Variants in SPOCK1 observed in about 807,000 individuals in gnomAD.
SPOCK1 encodes the protein testican-1.
Under a neutral mutation model 55.3 loss-of-function variants are expected in SPOCK1, and 23 were observed. The ratio of observed to expected loss-of-function variants is 0.42; its 90% CI spans 0.30 to 0.59. The LOEUF is 0.59. Among genes scored for constraint, SPOCK1 ranks in the 20% least tolerant of loss-of-function variants. SPOCK1 has a pLI of 0.22. For synonymous variants in SPOCK1, 226 were observed against 221.0 expected (o/e 1.02, Z -0.20); for missense variants, 499 against 552.5 (o/e 0.90, Z 0.97).
intron 6 of SPOCK1, among the ~76,000 whole-genome samples, chr5:137,027,887 C>A (rs1375431509): frequency 1.3e-5 from 2 of 152,210 alleles, no homozygotes; most frequent in African/African-American, 4.8e-5. Context: ...GGGCAAGGAA[C>A]TGATGAGAAC....
chr5:137,180,253 T>C (rs1754944530), intron 3 of SPOCK1, among the ~76,000 whole-genome samples: 1 of 152,108 alleles, frequency 6.6e-6, no homozygotes, highest in African/African-American at 2.4e-5. Flanking sequence ...GTAACATGTT[T>C]TGTACAGCAA....
intron 2 of SPOCK1, among the ~76,000 whole-genome samples, chr5:137,377,447 C>G (rs749794129): frequency 1.3e-5 from 2 of 152,282 alleles, no homozygotes; most frequent in Non-Finnish European, 2.9e-5. Context: ...AGGGAAGAAG[C>G]CTTGAGGAAC....
intron 2 of SPOCK1, among the ~76,000 whole-genome samples, chr5:137,418,637 C>A (rs1752406819): frequency 6.6e-6 from 1 of 152,176 alleles, no homozygotes; most frequent in Non-Finnish European, 1.5e-5. Context: ...CCTTCACCCA[C>A]TTTTTGATGG....
At chr5:137,169,054 G>A (rs1247390614) in intron 3 of SPOCK1, among the ~76,000 whole-genome samples, 1 of 152,128 alleles carries the variant, frequency 6.6e-6, no homozygotes, top group African/African-American at 2.4e-5. Flanking sequence ...CAACAACAAG[G>A]ATGGTCATTA....
chr5:137,044,786 C>T (rs1175566145), intron 6 of SPOCK1, among the ~76,000 whole-genome samples: 2 of 129,966 alleles, frequency 1.5e-5, no homozygotes, highest in South Asian at 3.0e-4. Context: ...AATGCTATCC[C>T]TCCCCCCTCC....
intron 3 of SPOCK1, among the ~76,000 whole-genome samples, chr5:137,191,886 C>G (rs550535627): frequency 6.6e-6 from 1 of 152,042 alleles, no homozygotes; most frequent in Non-Finnish European, 1.5e-5. Context: ...TCTGTCCTTG[C>G]GGAAAAGATA....
At chr5:137,356,468 G>A (rs1750802651) in intron 2 of SPOCK1, among the ~76,000 whole-genome samples, 1 of 151,766 alleles carries the variant, frequency 6.6e-6, no homozygotes. Flanking sequence ...TTATTTGCCA[G>A]GAACCCAAGC....
At chr5:137,259,811 C>T (rs1187302750) in intron 3 of SPOCK1, among the ~76,000 whole-genome samples, 1 of 152,078 alleles carries the variant, frequency 6.6e-6, no homozygotes, top group Admixed American at 6.5e-5. Context: ...TCCTCTACAG[C>T]TCACAGTGTC....
chr5:137,083,437 TTGTAAAATGGGGGAAACCA>T, intron 5 of SPOCK1, among the ~76,000 whole-genome samples: 1 of 152,122 alleles, frequency 6.6e-6, no homozygotes, highest in Admixed American at 6.5e-5. Flanking sequence ...GCTTTCTGAT[TTGTAAAATGGGGGAAACCA>T]TGATGCCTCC....
intron 3 of SPOCK1, among the ~76,000 whole-genome samples, chr5:137,218,845 G>A (rs1755768732): frequency 1.3e-5 from 2 of 152,212 alleles, no homozygotes; most frequent in South Asian, 4.2e-4. Context: ...TACCACCAAA[G>A]GTAACTAGCT....
chr5:137,017,901 C>T (rs552997778), intron 6 of SPOCK1, among the ~76,000 whole-genome samples: 2 of 152,192 alleles, frequency 1.3e-5, no homozygotes, highest in Non-Finnish European at 2.9e-5. Flanking sequence ...AGCCTATGGG[C>T]AACCAGCCAC....
intron 3 of SPOCK1, among the ~76,000 whole-genome samples, chr5:137,215,917 A>G (rs1033438249): frequency 2.6e-5 from 4 of 152,250 alleles, no homozygotes; most frequent in African/African-American, 9.6e-5. Flanking sequence ...ACTAGTGTTT[A>G]AAGAGATCAG....
At chr5:137,290,238 A>G (rs1361573574) in intron 2 of SPOCK1, among the ~76,000 whole-genome samples, 1 of 152,244 alleles carries the variant, frequency 6.6e-6, no homozygotes, top group Non-Finnish European at 1.5e-5. Flanking sequence ...ACATTGTGTT[A>G]TGTTCACACA....
rs149064732 is a variant in SPOCK1 at position 137,400,946 on chromosome 5, C to A, written c.186+97427G>T. On this transcript the variant is annotated intron_variant, in intron 2 of 10. Transcript: ENST00000394945. ...ACTTTCAGTTTTACCCAGCAGAGCA[C>A]CCGCTGGAAACCCCTCTCCCGCCCA... Among the ~76,000 whole-genome samples the A allele has an allele frequency of 9.7e-4, 147 of 152,318 alleles. 3 individuals carry two copies. The Middle Eastern group carries it at 0.01, about 11-fold the overall frequency.
intron 2 of SPOCK1, among the ~76,000 whole-genome samples, chr5:137,289,386 G>C (rs1757325681): frequency 6.6e-6 from 1 of 152,000 alleles, no homozygotes; most frequent in Admixed American, 6.6e-5. Flanking sequence ...CTGGTTCCAT[G>C]GTCTAAAATA....
chr5:137,362,308 A>T lies in SPOCK1; in HGVS notation c.187-95253T>A, dbSNP rs140289472. 4.6e-5 allele frequency among the ~76,000 whole-genome samples: 7 copies of T among 151,600 alleles called. No individual in the cohort carries two copies. The East Asian group carries it at 1.4e-3, about 29-fold the overall frequency. ...CACTGCAGTTTACCATTTATTAAGG[A>T]CTTAACACAGACGTCAGCAACCTTT... On this transcript the variant is annotated intron_variant, in intron 2 of 10. Coordinates refer to ENST00000394945, the MANE Select transcript of SPOCK1 (RefSeq NM_004598.4).
At chr5:137,325,937 C>T (rs1267667370) in intron 2 of SPOCK1, among the ~76,000 whole-genome samples, 1 of 152,184 alleles carries the variant, frequency 6.6e-6, no homozygotes, top group African/African-American at 2.4e-5. Flanking sequence ...GCCCTGAGGC[C>T]TTTTGGTTCT....
Position 137,392,901 on chromosome 5 carries a change from C to G in SPOCK1, c.186+105472G>C, listed in dbSNP as rs186370395. Among the ~76,000 whole-genome samples the G allele has an allele frequency of 3.8e-4, 58 of 152,236 alleles. 1 individual carries two copies. The highest frequency in any genetic ancestry group is 1.1e-3 in the Admixed American group (17 of 15,276). Reference sequence around the variant, plus strand: ...TCATTTTTACATTTACTTTTTGAGGCCCTACCCTTATTGTATCATCCAGCA... The same window carrying G: ...TCATTTTTACATTTACTTTTTGAGGGCCTACCCTTATTGTATCATCCAGCA... On this transcript the variant is annotated intron_variant, in intron 2 of 10. Coordinates refer to ENST00000394945, the MANE Select transcript of SPOCK1 (RefSeq NM_004598.4).
intron 2 of SPOCK1, among the ~76,000 whole-genome samples, chr5:137,373,929 A>G (rs1751254561): frequency 6.6e-6 from 1 of 152,182 alleles, no homozygotes; most frequent in Non-Finnish European, 1.5e-5. Flanking sequence ...TGGAGCCCAC[A>G]CTGTTTTAGC....
Sources: allele counts gnomAD v4.1 joint callset (sites outside exome capture counted in the v4.1 genomes callset), GRCh38; gene constraint gnomAD v4.1.1; transcripts MANE v1.5; gene names NCBI Gene and HGNC (gene_info 2026-07-23, HGNC 2026-07-21).